Variants in MAPK10 observed in about 807,000 individuals in gnomAD.
MAPK10 encodes the protein JNK3 alpha protein kinase.
A neutral mutation model predicts 59.3 loss-of-function variants in MAPK10; 25 were observed. The observed-to-expected ratio is 0.42, with a 90% CI of 0.31 to 0.59. The LOEUF (loss-of-function observed/expected upper bound fraction) is 0.59. Ranked by LOEUF, MAPK10 falls within the 20% of genes least tolerant of loss-of-function variation. The pLI is 0.15. For synonymous variants in MAPK10, 190 were observed against 200.5 expected (o/e 0.95, Z 0.44); for missense variants, 351 against 568.9 (o/e 0.62, Z 3.90).
Position 86,373,013 on chromosome 4 carries a change from A to T in MAPK10, c.-121-18369T>A, listed in dbSNP as rs547088214. 6.2e-3 allele frequency among the ~76,000 whole-genome samples: 948 copies of T among 152,320 alleles called. 7 individuals carry two copies. The highest frequency in any genetic ancestry group is 0.02 in the African/African-American group (847 of 41,578). ...ATGCTACCTGACTTCAAACTATACT[A>T]CAAGGCTACAGTAACCAAAATGGCA... On this transcript the variant is annotated intron_variant, in intron 1 of 13. Coordinates refer to the MAPK10 transcript ENST00000361569.
chr4:86,551,568 C>T (rs1298327081), intron 1 of MAPK10, among the ~76,000 whole-genome samples: 1 of 136,708 alleles, frequency 7.3e-6, no homozygotes, highest in African/African-American at 2.6e-5. Flanking sequence ...TCCTTCTTCT[C>T]TCTTTCTTTC....
At chr4:86,156,618 G>C (rs1363639221) in intron 4 of MAPK10, among the ~76,000 whole-genome samples, 1 of 152,002 alleles carries the variant, frequency 6.6e-6, no homozygotes, top group East Asian at 1.9e-4. Context: ...CTGTCCATTT[G>C]AATCATCTTT....
chr4:86,531,886 G>C (rs1270483312), intron 1 of MAPK10, among the ~76,000 whole-genome samples: 3 of 152,020 alleles, frequency 2.0e-5, no homozygotes, highest in Non-Finnish European at 4.4e-5. Flanking sequence ...CATTGTCTTA[G>C]ACAAGAAGCT....
rs1757835358 is a variant in MAPK10 at position 86,531,304 on chromosome 4, G to A, written c.-263+62606C>T. Among the ~76,000 whole-genome samples, 3 of 152,110 alleles carry A rather than the reference G, an allele frequency of 2.0e-5. No individual in the cohort carries two copies. The South Asian group carries it at 6.2e-4, about 32-fold the overall frequency. On this transcript the variant is annotated intron_variant, in intron 1 of 4. Transcript: ENST00000502302. ...TACAATCATGTTTAAGGTCCCTCAC[G>A]CTGAGGATACATTCACATCCCCTCG...
At chr4:86,378,466 G>A (rs1409287113) in intron 1 of MAPK10, among the ~76,000 whole-genome samples, 1 of 139,582 alleles carries the variant, frequency 7.2e-6, no homozygotes, top group Admixed American at 7.6e-5. Flanking sequence ...CTCACTGGCT[G>A]TTTTTCTTTA....
chr4:86,103,363 AG>A (rs1162025695), intron 5 of MAPK10, 119 bp from the exon 6 acceptor site: 1 of 614,788 alleles, frequency 1.6e-6, no homozygotes, highest in Non-Finnish European at 2.9e-6. Context: ...GAAATGGAGA[AG>A]TTGGAAAAAT....
intron 1 of MAPK10, among the ~76,000 whole-genome samples, chr4:86,452,169 C>T (rs763856494): frequency 1.3e-5 from 2 of 152,150 alleles, no homozygotes; most frequent in Non-Finnish European, 2.9e-5. Flanking sequence ...TAGAGCAGAG[C>T]ATGCAGAGAC....
intron 9 of MAPK10, among the ~76,000 whole-genome samples, chr4:86,070,752 T>C (rs2149001305): frequency 6.6e-6 from 1 of 150,834 alleles, no homozygotes; most frequent in Non-Finnish European, 1.5e-5. Context: ...TAGTATTCCA[T>C]GGTGTATATG....
intron 4 of MAPK10, among the ~76,000 whole-genome samples, chr4:86,145,866 T>TA (rs200234479): frequency 1.0e-3 from 153 of 150,272 alleles, no homozygotes; most frequent in Middle Eastern, 3.4e-3. Context: ...CTCCTGCCAT[T>TA]AAAAAAAAAT....
At chr4:86,421,860 C>A (rs562269864) in intron 1 of MAPK10, among the ~76,000 whole-genome samples, 5 of 152,140 alleles carry the variant, frequency 3.3e-5, no homozygotes, top group Non-Finnish European at 7.3e-5. Flanking sequence ...GAATTCCTTA[C>A]CATGATTTAC....
chr4:86,156,627 T>A (rs1241778899), intron 4 of MAPK10, among the ~76,000 whole-genome samples: 1 of 152,034 alleles, frequency 6.6e-6, no homozygotes, highest in East Asian at 1.9e-4. Flanking sequence ...TGAATCATCT[T>A]TAGAGAGAGA....
At chr4:86,260,656 C>T (rs2093949716) in intron 2 of MAPK10, among the ~76,000 whole-genome samples, 1 of 152,098 alleles carries the variant, frequency 6.6e-6, no homozygotes, top group Admixed American at 6.6e-5. Context: ...ATCAATGGGT[C>T]ACTCTTCATA....
At chr4:86,479,807 T>C (rs1753436356) in intron 1 of MAPK10, among the ~76,000 whole-genome samples, 1 of 152,146 alleles carries the variant, frequency 6.6e-6, no homozygotes, top group Non-Finnish European at 1.5e-5. Flanking sequence ...CCCACAAAAT[T>C]GTATCCAGGC....
At chr4:86,188,452 G>T (rs2078816675) in intron 3 of MAPK10, among the ~76,000 whole-genome samples, 1 of 152,160 alleles carries the variant, frequency 6.6e-6, no homozygotes, top group African/African-American at 2.4e-5. Flanking sequence ...ACTGGCATGA[G>T]ATGTTATCTC....
chr4:86,469,797 G>A lies in MAPK10; in HGVS notation c.-262-115153C>T, dbSNP rs80261437. Among the ~76,000 whole-genome samples, 8 of 152,304 alleles carry A rather than the reference G, an allele frequency of 5.3e-5. No individual in the cohort carries two copies. The East Asian group carries it at 1.5e-3, about 29-fold the overall frequency. On this transcript the variant is annotated intron_variant, in intron 1 of 4. Coordinates refer to the MAPK10 transcript ENST00000502302. ...AATACCAGATATAGCTTATTCTTCT[G>A]TCTTTGATGGGGCTGCATCCATTTG...
chr4:86,074,535 T>C (rs1416580077), intron 9 of MAPK10, among the ~76,000 whole-genome samples: 1 of 133,388 alleles, frequency 7.5e-6, no homozygotes, highest in African/African-American at 3.0e-5. Flanking sequence ...CTGGTACTGG[T>C]TGTTCCTTTC....
intron 3 of MAPK10, among the ~76,000 whole-genome samples, chr4:86,188,877 T>C (rs910487027): frequency 6.6e-6 from 1 of 152,208 alleles, no homozygotes; most frequent in Non-Finnish European, 1.5e-5. Context: ...ACGGTTTTTA[T>C]GGTTTTAGGT....
intron 1 of MAPK10, among the ~76,000 whole-genome samples, chr4:86,548,682 C>CT (rs969659876): frequency 9.8e-5 from 15 of 152,286 alleles, no homozygotes; most frequent in African/African-American, 3.6e-4. Context: ...AATTAAACCT[C>CT]TTTTCTTTAT....
intron 4 of MAPK10, among the ~76,000 whole-genome samples, chr4:86,112,479 G>A (rs937965846): frequency 6.6e-6 from 1 of 152,162 alleles, no homozygotes; most frequent in Non-Finnish European, 1.5e-5. Context: ...TTACCCAGGA[G>A]TCATTCAGGA....
Sources: gnomAD v4.1 joint callset for allele counts (sites outside exome capture counted in the v4.1 genomes callset) on GRCh38, gnomAD v4.1.1 for gene constraint, MANE v1.5 for transcripts, NCBI Gene and HGNC (gene_info 2026-07-23, HGNC 2026-07-21) for gene names.